CLDN1: variants seen among roughly 807,000 people sequenced by gnomAD.
CLDN1 encodes the protein claudin 1.
Under a neutral mutation model 22.6 loss-of-function variants are expected in CLDN1, and 12 were observed. The ratio of observed to expected loss-of-function variants is 0.53; its 90% CI spans 0.34 to 0.86. CLDN1 has a LOEUF of 0.86. Ranked by LOEUF, CLDN1 falls within the 40% of genes least tolerant of loss-of-function variation. The pLI, the probability that CLDN1 is intolerant of heterozygous loss-of-function variation, is 0.02. For missense variants in CLDN1, 250 were observed against 269.5 expected, an observed-to-expected ratio of 0.93 and a Z score of 0.51; for synonymous variants, 99 against 103.8, an observed-to-expected ratio of 0.95 and a Z score of 0.28.
At chr3:190,315,805 G>A (rs1029325481) in intron 1 of CLDN1, among the ~76,000 whole-genome samples, 2 of 152,130 alleles carry the variant, frequency 1.3e-5, no homozygotes, top group Non-Finnish European at 1.5e-5. Context: ...GCAGGTCTGA[G>A]CACTTAGATC....
intron 1 of CLDN1, among the ~76,000 whole-genome samples, chr3:190,314,486 T>C (rs1320049744): frequency 6.6e-6 from 1 of 151,982 alleles, no homozygotes; most frequent in Non-Finnish European, 1.5e-5. Flanking sequence ...CCTCTGCCTC[T>C]GGGGCTCAAG....
intron 1 of CLDN1, among the ~76,000 whole-genome samples, chr3:190,316,235 T>C (rs1226454609): frequency 6.6e-6 from 1 of 152,236 alleles, no homozygotes; most frequent in Non-Finnish European, 1.5e-5. Context: ...CTTTGTTTTT[T>C]AAAATGTCGT....
At chr3:190,310,533 T>G (rs1473949975) in intron 2 of CLDN1, among the ~76,000 whole-genome samples, 1 of 152,230 alleles carries the variant, frequency 6.6e-6, no homozygotes, top group East Asian at 1.9e-4. Context: ...CAGGTGTATG[T>G]TGTACAAAAT....
At chr3:190,316,140 T>A (rs1053651129) in intron 1 of CLDN1, among the ~76,000 whole-genome samples, 6 of 152,202 alleles carry the variant, frequency 3.9e-5, no homozygotes, top group African/African-American at 1.2e-4. Flanking sequence ...GAATAATATA[T>A]TATTTGCATA....
At chr3:190,310,405 A>T (rs1404185224) in intron 2 of CLDN1, 152 bp from the exon 3 acceptor site, 2 of 610,514 alleles carry the variant, frequency 3.3e-6, no homozygotes, top group Non-Finnish European at 5.8e-6. Context: ...AGAAGTCCAG[A>T]TATGATTTAT....
At chr3:190,317,136 C>T (rs1258559047) in intron 1 of CLDN1, among the ~76,000 whole-genome samples, 2 of 152,226 alleles carry the variant, frequency 1.3e-5, no homozygotes, top group Non-Finnish European at 2.9e-5. Context: ...GCAATATTAA[C>T]TTTGAATTGG....
chr3:190,320,071 T>TG lies in CLDN1; in HGVS notation c.223+1912dup, dbSNP rs199732640. On this transcript the variant is annotated intron_variant, in intron 1 of 3. Coordinates refer to ENST00000295522, the MANE Select transcript of CLDN1 (RefSeq NM_021101.5). ...AATAGGAAGACATCTCTAAAGTGTG[T>TG]GTGGGGGGGTAGGTATTTAGTCCTT... Among the ~76,000 whole-genome samples, 832 of 147,184 alleles carry TG rather than the reference T, an allele frequency of 5.7e-3. 7 individuals carry two copies. Among genetic ancestry groups the TG allele is most frequent in the African/African-American group, 0.02 (776 of 39,046 alleles).
Position 190,310,811 on chromosome 3 carries a change from T to C in CLDN1, c.389-558A>G, listed in dbSNP as rs551608285. Reference sequence around the variant, plus strand: ...AGGGAATACCTGATATAGGTATAGGTTGGCCTGAGATTTGTTGAGGGTGCC... The same window carrying C: ...AGGGAATACCTGATATAGGTATAGGCTGGCCTGAGATTTGTTGAGGGTGCC... On this transcript the variant is annotated intron_variant, in intron 2 of 3. Transcript: ENST00000295522. Among the ~76,000 whole-genome samples, 34 of 152,284 alleles carry C rather than the reference T, an allele frequency of 2.2e-4. No homozygotes were observed. The South Asian group carries it at 6.0e-3, about 27-fold the overall frequency.
intron 2 of CLDN1, 118 bp from the exon 3 acceptor site, chr3:190,310,371 T>A (rs1280249166): frequency 3.5e-5 from 26 of 737,018 alleles, no homozygotes. Flanking sequence ...GTGTTGACAT[T>A]TTTATTTTGG....
chr3:190,318,863 G>A (rs910091047), intron 1 of CLDN1, among the ~76,000 whole-genome samples: 6 of 152,130 alleles, frequency 3.9e-5, no homozygotes, highest in African/African-American at 1.4e-4. Flanking sequence ...TGAGAGTGCT[G>A]GGGAAGCTCA....
intron 2 of CLDN1, 141 bp downstream of exon 2, chr3:190,312,731 A>G: frequency 1.1e-6 from 1 of 892,492 alleles, no homozygotes; most frequent in Non-Finnish European, 1.8e-6. Context: ...GTTTGAGAAC[A>G]TGAAAGTCAA....
Position 190,308,161 on chromosome 3 carries a change from G to T in CLDN1, c.*116C>A. ...GGTTTTTTGTTTGTTTGTTTGTTTT[G>T]TAATACCATACTTCAGATTACAATA... is the stretch of plus-strand genomic sequence containing the variant. On this transcript the variant is annotated 3_prime_UTR_variant, in exon 4 of 4. Transcript: ENST00000295522. 1.6e-6 allele frequency: 2 copies of T among 1,222,086 alleles called. No individual in the cohort carries two copies. The highest frequency in any genetic ancestry group is 2.4e-6 in the Non-Finnish European group (2 of 829,404). 75.7% of individuals were successfully genotyped at this position (1,222,086 alleles called of 1,614,324 possible).
intron 1 of CLDN1, among the ~76,000 whole-genome samples, chr3:190,314,527 T>A (rs1716712120): frequency 6.6e-6 from 1 of 151,722 alleles, no homozygotes. Flanking sequence ...CCTGAGTAGC[T>A]GGGACTGCAG....
At chr3:190,310,815 C>T (rs1212025424) in intron 2 of CLDN1, among the ~76,000 whole-genome samples, 3 of 152,078 alleles carry the variant, frequency 2.0e-5, no homozygotes, top group South Asian at 2.1e-4. Context: ...TATAGGTTGG[C>T]CTGAGATTTG....
At position 190,308,056 on chromosome 3, in the gene CLDN1, GA is replaced by G; in HGVS notation, c.*220del. ...TCAATGGGAAGCAGTAATACAAATG[GA>G]AAAATCTTCCCTCCTATATTGAGGA... On this transcript the variant is annotated 3_prime_UTR_variant, in exon 4 of 4. Transcript: ENST00000295522. The G allele has an allele frequency of 2.0e-6, 1 of 511,254 alleles. No homozygotes were observed. Among genetic ancestry groups the G allele is most frequent in the Non-Finnish European group, 3.5e-6 (1 of 287,276 alleles). The allele number at this position is 511,254 out of a possible 1,614,324, so 31.7% of individuals were successfully genotyped here.
chr3:190,310,530 A>G (rs1294091943), intron 2 of CLDN1, among the ~76,000 whole-genome samples: 1 of 152,198 alleles, frequency 6.6e-6, no homozygotes, highest in African/African-American at 2.4e-5. Flanking sequence ...AGGCAGGTGT[A>G]TGTTGTACAA....
intron 2 of CLDN1, 50 bp downstream of exon 2, chr3:190,312,822 C>A (rs868092623): frequency 6.3e-7 from 1 of 1,598,764 alleles, no homozygotes; most frequent in Admixed American, 1.7e-5. Flanking sequence ...GATTTCAAAT[C>A]ATACCAGGAA....
Position 190,307,230 on chromosome 3 carries a change from A to C in CLDN1, c.*1047T>G, listed in dbSNP as rs1287520185. 6.6e-6 allele frequency: 1 copy of C among 152,506 alleles called. No individual in the cohort carries two copies. The highest frequency in any genetic ancestry group is 6.5e-5 in the Admixed American group (1 of 15,270). 9.4% of individuals were successfully genotyped at this position (152,506 alleles called of 1,614,324 possible). A position where few individuals can be genotyped will look rare whatever the true frequency, so the allele number is the denominator to read the frequency against. On this transcript the variant is annotated 3_prime_UTR_variant, in exon 4 of 4. Transcript: ENST00000295522. ...AGATTATCACTCCAGAAAGTCTAGCACTTTGTTCAGACAAACAGACCACAC... is the reference window on the plus strand; with the variant it reads ...AGATTATCACTCCAGAAAGTCTAGCCCTTTGTTCAGACAAACAGACCACAC...
At position 190,307,414 on chromosome 3, in the gene CLDN1, C is replaced by T. The variant is rs1716484657; in HGVS notation, c.*863G>A. The T allele has an allele frequency of 6.6e-6, 1 of 152,176 alleles. No homozygotes were observed. Among genetic ancestry groups the T allele is most frequent in the Admixed American group, 6.5e-5 (1 of 15,274 alleles). 9.4% of individuals were successfully genotyped at this position (152,176 alleles called of 1,614,324 possible). A position where few individuals can be genotyped will look rare whatever the true frequency, so the allele number is the denominator to read the frequency against. On this transcript the variant is annotated 3_prime_UTR_variant, in exon 4 of 4. Coordinates refer to ENST00000295522, the MANE Select transcript of CLDN1 (RefSeq NM_021101.5). ...TGTGTTACAACACCTGGGGGAACAG[C>T]ATGCAGCTACTCAATTGGACAAATA...
Sources: gnomAD v4.1 joint callset for allele counts (sites outside exome capture counted in the v4.1 genomes callset) on GRCh38, gnomAD v4.1.1 for gene constraint, MANE v1.5 for transcripts, NCBI Gene and HGNC (gene_info 2026-07-23, HGNC 2026-07-21) for gene names.